The following PCDHGB6 variants were observed in gnomAD, a reference collection of about 807,000 sequenced individuals.
The protein encoded by PCDHGB6 is protocadherin gamma-B6.
In PCDHGB6, 51 loss-of-function variants were observed where a neutral mutation model predicts 59.1. That is an observed-to-expected ratio of 0.86 (90% CI 0.69 to 1.09). The LOEUF is 1.09. Among genes scored for constraint, PCDHGB6 ranks in the 50% least tolerant of loss-of-function variants. The pLI, the probability that PCDHGB6 is intolerant of heterozygous loss-of-function variation, is 0.00. For missense variants in PCDHGB6, 1,148 were observed against 1,205.1 expected, an observed-to-expected ratio of 0.95 and a Z score of 0.70; for synonymous variants, 466 against 495.1, an observed-to-expected ratio of 0.94 and a Z score of 0.78.
Position 141,489,120 on chromosome 5 carries a change from G to T in PCDHGB6, c.2419-5687G>T. On this transcript the variant is annotated intron_variant, in intron 1 of 3. Coordinates refer to ENST00000520790, the MANE Select transcript of PCDHGB6 (RefSeq NM_018926.3). The surrounding 1 kb of genome is among the most constrained non-coding windows in gnomAD (Gnocchi z 4.5). Reference sequence around the variant, plus strand: ...AACTGCTGCAAGCAGGCAAACCTCCGAGCAGTTTTTAAGAGGCTGGAAGGA... The same window carrying T: ...AACTGCTGCAAGCAGGCAAACCTCCTAGCAGTTTTTAAGAGGCTGGAAGGA... 2.2e-6 allele frequency: 1 copy of T among 445,672 alleles called. No individual in the cohort carries two copies. The highest frequency in any genetic ancestry group is 3.8e-6 in the Non-Finnish European group (1 of 264,754). The allele number at this position is 445,672 out of a possible 1,614,324, so 27.6% of individuals were successfully genotyped here.
At position 141,486,714 on chromosome 5, in the gene PCDHGB6, CAG is replaced by C; in HGVS notation, c.2419-8092_2419-8091del. ...TCTTTCATCTCTCTGAACCCCCAGA[CAG>C]GAGCTGTTCATGCTACTCGATCCTT... On this transcript the variant is annotated intron_variant, in intron 1 of 3. Coordinates refer to ENST00000520790, the MANE Select transcript of PCDHGB6 (RefSeq NM_018926.3). This position sits in a 1 kb window ranked among gnomAD's most constrained non-coding sequence, Gnocchi z 5.0. 1 of 1,614,216 alleles carries C rather than the reference CAG, an allele frequency of 6.2e-7. No homozygotes were observed. Among genetic ancestry groups the C allele is most frequent in the Non-Finnish European group, 8.5e-7 (1 of 1,180,034 alleles).
At chr5:141,425,484 TA>T (rs929097245) in intron 1 of PCDHGB6, among the ~76,000 whole-genome samples, 1 of 152,258 alleles carries the variant, frequency 6.6e-6, no homozygotes, top group African/African-American at 2.4e-5. Context: ...TATGGCAACC[TA>T]CTAGGCTATA....
At chr5:141,444,380 A>G (rs1475986922) in intron 1 of PCDHGB6, among the ~76,000 whole-genome samples, 1 of 151,876 alleles carries the variant, frequency 6.6e-6, no homozygotes, top group Non-Finnish European at 1.5e-5. Context: ...CATGTTGGTC[A>G]GGCTAGTCTT....
At chr5:141,410,668 T>C in intron 1 of PCDHGB6, 48 bp downstream of exon 1, 2 of 1,565,640 alleles carry the variant, frequency 1.3e-6, no homozygotes, top group African/African-American at 2.7e-5. Context: ...TCTACTAGTT[T>C]CTCATATTTT....
rs747268184 is a variant in PCDHGB6, at chr5:141,489,769, C to A, written c.2419-5038C>A. On this transcript the variant is annotated intron_variant, in intron 1 of 3. Coordinates refer to ENST00000520790, the MANE Select transcript of PCDHGB6 (RefSeq NM_018926.3). This position sits in a 1 kb window ranked among gnomAD's most constrained non-coding sequence, Gnocchi z 4.5. ...CTTTTACACTCTAAGCCCCAACAGC[C>A]ACTTCTCTCTGAATGTGAAGACCCT... The A allele has an allele frequency of 6.2e-7, 1 of 1,614,156 alleles. No individual in the cohort carries two copies. The highest frequency in any genetic ancestry group is 1.1e-5 in the South Asian group (1 of 91,080).
At chr5:141,469,372 C>A (rs780872014) in intron 1 of PCDHGB6, among the ~76,000 whole-genome samples, 1 of 151,990 alleles carries the variant, frequency 6.6e-6, no homozygotes, top group East Asian at 1.9e-4. Context: ...GTAAAGAGAT[C>A]GAGACCATCC....
Position 141,485,582 on chromosome 5 carries a change from C to G in PCDHGB6, c.2419-9225C>G. The G allele has an allele frequency of 6.2e-7, 1 of 1,612,374 alleles. No individual in the cohort carries two copies. Among genetic ancestry groups the G allele is most frequent in the South Asian group, 1.1e-5 (1 of 90,956 alleles). On this transcript the variant is annotated intron_variant, in intron 1 of 3. Transcript: ENST00000520790. The surrounding 1 kb of genome is among the most constrained non-coding windows in gnomAD (Gnocchi z 5.7). ...TCACGCCCCCCGTTTTCCGCGGCAG[C>G]AGCTGGACTTGGAAATTGGGGAGGC...
chr5:141,420,826 C>G (rs1246534925), intron 1 of PCDHGB6, among the ~76,000 whole-genome samples: 1 of 152,216 alleles, frequency 6.6e-6, no homozygotes, highest in Non-Finnish European at 1.5e-5. Flanking sequence ...AATAATTACT[C>G]CTTTCGCAGG....
chr5:141,471,618 A>C (rs1421854064), intron 1 of PCDHGB6: 1 of 152,218 alleles, frequency 6.6e-6, no homozygotes, highest in Non-Finnish European at 1.5e-5. Context: ...TGGGAGTAGT[A>C]AGCATTGGTA....
At chr5:141,499,019 AG>A (rs2099788634) in intron 2 of PCDHGB6, among the ~76,000 whole-genome samples, 3 of 150,840 alleles carry the variant, frequency 2.0e-5, no homozygotes, top group Non-Finnish European at 3.0e-5. Context: ...GAAGGAAGGA[AG>A]GAAGGAAGAA....
At position 141,431,211 on chromosome 5, in the gene PCDHGB6, G is replaced by C. The variant is rs1054638121; in HGVS notation, c.2418+20591G>C. Reference sequence around the variant, plus strand: ...AGTGAAAATGCAGCCACTGAGATGCGGTTCCCTCTACCCCACGCCTGGGAT... The same window carrying C: ...AGTGAAAATGCAGCCACTGAGATGCCGTTCCCTCTACCCCACGCCTGGGAT... On this transcript the variant is annotated intron_variant, in intron 1 of 3. Coordinates refer to ENST00000520790, the MANE Select transcript of PCDHGB6 (RefSeq NM_018926.3). This position sits in a 1 kb window ranked among gnomAD's most constrained non-coding sequence, Gnocchi z 4.8. 1.2e-6 allele frequency: 2 copies of C among 1,614,122 alleles called. No individual in the cohort carries two copies. Among genetic ancestry groups the C allele is most frequent in the Non-Finnish European group, 1.7e-6 (2 of 1,180,036 alleles).
chr5:141,422,919 G>C (rs1445179310), intron 1 of PCDHGB6: 9 of 1,614,120 alleles, frequency 5.6e-6, no homozygotes, highest in Non-Finnish European at 6.8e-6. Context: ...CCGAGATCCT[G>C]TACCCTGCCC....
rs1057408625 is a variant in PCDHGB6 at position 141,408,439 on chromosome 5, G to A, written c.237G>A (p.Ala79=). 4 of 1,613,950 alleles carry A rather than the reference G, an allele frequency of 2.5e-6. No homozygotes were observed. The highest frequency in any genetic ancestry group is 3.4e-6 in the Non-Finnish European group (4 of 1,179,920). Residue 79 remains alanine, a synonymous_variant, in exon 1 of 4, where the codon GCG becomes GCA. Coordinates refer to ENST00000520790, the MANE Select transcript of PCDHGB6 (RefSeq NM_018926.3). ...SAEKLHFSVD[A]ESGDLLVKNR... ...AGAAGCTGCACTTCAGCGTAGACGC[G>A]GAGAGCGGGGACTTACTTGTGAAGA...
Position 141,432,208 on chromosome 5 carries a change from G to A in PCDHGB6, c.2418+21588G>A, listed in dbSNP as rs150518735. The A allele has an allele frequency of 3.4e-5, 55 of 1,614,196 alleles. No individual in the cohort carries two copies. In the Middle Eastern group the frequency reaches 8.2e-4, roughly 24 times the overall value. Reference sequence around the variant, plus strand: ...CCGCCCACGACCCCGACTGTGAAGAGAACGCCCAGATCACTTATTCCCTGG... The same window carrying A: ...CCGCCCACGACCCCGACTGTGAAGAAAACGCCCAGATCACTTATTCCCTGG... On this transcript the variant is annotated intron_variant, in intron 1 of 3. Transcript: ENST00000520790. The surrounding 1 kb of genome is among the most constrained non-coding windows in gnomAD (Gnocchi z 6.0).
chr5:141,431,190 A>G lies in PCDHGB6; in HGVS notation c.2418+20570A>G, dbSNP rs1363655439. 1 of 1,614,228 alleles carries G rather than the reference A, an allele frequency of 6.2e-7. No homozygotes were observed. Among genetic ancestry groups the G allele is most frequent in the Non-Finnish European group, 8.5e-7 (1 of 1,180,038 alleles). ...AGTGAATTAGAAATAAAAATTAGTGAAAATGCAGCCACTGAGATGCGGTTC... is the reference window on the plus strand; with the variant it reads ...AGTGAATTAGAAATAAAAATTAGTGGAAATGCAGCCACTGAGATGCGGTTC... On this transcript the variant is annotated intron_variant, in intron 1 of 3. Transcript: ENST00000520790. This position sits in a 1 kb window ranked among gnomAD's most constrained non-coding sequence, Gnocchi z 4.8.
chr5:141,418,807 G>A (rs1400599346), intron 1 of PCDHGB6: 2 of 1,613,650 alleles, frequency 1.2e-6, no homozygotes, highest in African/African-American at 1.3e-5. Context: ...AAAGATATAC[G>A]ATAAACATAG....
intron 1 of PCDHGB6, among the ~76,000 whole-genome samples, chr5:141,464,397 C>T (rs1352852782): frequency 1.3e-5 from 2 of 150,158 alleles, no homozygotes; most frequent in Non-Finnish European, 3.0e-5. Context: ...TAATGAAGAA[C>T]CTGAGATATA....
chr5:141,508,826 C>T (rs2099872187), intron 3 of PCDHGB6, among the ~76,000 whole-genome samples: 1 of 152,092 alleles, frequency 6.6e-6, no homozygotes, highest in South Asian at 2.1e-4. Context: ...AGATCTGGGC[C>T]CCCCTCCCCT....
In PCDHGB6 at chr5:141,490,462, ACCAG is replaced by A; in HGVS notation, c.2419-4338_2419-4335del. On this transcript the variant is annotated intron_variant, in intron 1 of 3. Coordinates refer to ENST00000520790, the MANE Select transcript of PCDHGB6 (RefSeq NM_018926.3). The surrounding 1 kb of genome is among the most constrained non-coding windows in gnomAD (Gnocchi z 5.4). ...TTCTGAGAACCACTACTCGCTGCTA[ACCAG>A]CCAGCCTTTGGACCGGGAGGCCACA... 1 of 1,614,198 alleles carries A rather than the reference ACCAG, an allele frequency of 6.2e-7. No homozygotes were observed.
Sources: gnomAD v4.1 joint callset for allele counts (sites outside exome capture counted in the v4.1 genomes callset) on GRCh38, gnomAD v4.1.1 for gene constraint, Gnocchi (gnomAD v3.1) non-coding constraint, MANE v1.5 for transcripts, NCBI Gene and HGNC (gene_info 2026-07-23, HGNC 2026-07-21) for gene names.